GSDMC: variants seen among roughly 807,000 people sequenced by gnomAD.
GSDMC encodes the protein gasdermin C, also known as gasdermin-C.
In GSDMC, 59 loss-of-function variants were observed where a neutral mutation model predicts 58.0. The observed-to-expected ratio is 1.02, with a 90% CI of 0.82 to 1.26. The LOEUF is 1.26. Ranked by LOEUF, GSDMC falls within the 50% of genes most tolerant of loss-of-function variation. The pLI, the probability that GSDMC is intolerant of heterozygous loss-of-function variation, is 0.00. For synonymous variants in GSDMC, 241 were observed against 220.2 expected (o/e 1.09, Z -0.83); for missense variants, 659 against 598.5 (o/e 1.10, Z -1.06).
At chr8:129,762,836 T>C in intron 4 of GSDMC, 105 bp from the exon 5 acceptor site, 1 of 716,558 alleles carries the variant, frequency 1.4e-6, no homozygotes. Flanking sequence ...CCTGCTCTCA[T>C]CCTCCCTACT....
In GSDMC at chr8:129,748,341, A is replaced by C. The variant is rs919239632; in HGVS notation, c.*160T>G. 6.5e-6 allele frequency: 4 copies of C among 611,568 alleles called. No individual in the cohort carries two copies. Among genetic ancestry groups the C allele is most frequent in the Non-Finnish European group, 8.1e-6 (3 of 369,780 alleles). 37.9% of individuals were successfully genotyped at this position (611,568 alleles called of 1,614,324 possible). A position where few individuals can be genotyped will look rare whatever the true frequency, so the allele number is the denominator to read the frequency against. On this transcript the variant is annotated 3_prime_UTR_variant, in exon 14 of 14. Coordinates refer to ENST00000276708, the MANE Select transcript of GSDMC (RefSeq NM_031415.3). The stretch of plus-strand genomic sequence containing the variant: ...CTCTTGTCAATATATAGAGTATTCC[A>C]CCACCCCAAAACATTTCCTAAAGTC...
chr8:129,774,566 T>C (rs1056082786), intron 3 of GSDMC, among the ~76,000 whole-genome samples: 3 of 151,096 alleles, frequency 2.0e-5, no homozygotes, highest in Admixed American at 1.3e-4. Flanking sequence ...AAATAAGTGT[T>C]ACTCTAGCAA....
At chr8:129,761,086 G>A (rs2033641508) in intron 5 of GSDMC, among the ~76,000 whole-genome samples, 1 of 152,204 alleles carries the variant, frequency 6.6e-6, no homozygotes, top group African/African-American at 2.4e-5. Flanking sequence ...TAGCCTCACA[G>A]CAGTGACTGC....
chr8:129,725,141 C>T, the GSDMC span, among the ~76,000 whole-genome samples: 1 of 152,232 alleles, frequency 6.6e-6, no homozygotes, highest in African/African-American at 2.4e-5. Flanking sequence ...TTCACATTCA[C>T]ACATGCCCTC....
chr8:129,776,834 C>A (rs2034245238), intron 2 of GSDMC, among the ~76,000 whole-genome samples: 1 of 152,108 alleles, frequency 6.6e-6, no homozygotes, highest in African/African-American at 2.4e-5. Flanking sequence ...AATCCCAGCT[C>A]ACTGCAACCT....
the GSDMC span, among the ~76,000 whole-genome samples, chr8:129,727,322 A>T: frequency 6.6e-6 from 1 of 152,176 alleles, no homozygotes; most frequent in Non-Finnish European, 1.5e-5. Flanking sequence ...ACAGTGCATA[A>T]AGATCAACTC....
At chr8:129,720,253 T>A in the GSDMC span, among the ~76,000 whole-genome samples, 1 of 152,210 alleles carries the variant, frequency 6.6e-6, no homozygotes, top group African/African-American at 2.4e-5. Flanking sequence ...GAATAGTGCT[T>A]GTGATCATCC....
the GSDMC span, among the ~76,000 whole-genome samples, chr8:129,727,200 C>T: frequency 6.6e-6 from 1 of 152,004 alleles, no homozygotes; most frequent in African/African-American, 2.4e-5. Flanking sequence ...CCATGACTTA[C>T]GATGGACATA....
Position 129,776,168 on chromosome 8 carries a change from T to C in GSDMC, c.338A>G (p.His113Arg). 6.2e-7 allele frequency: 1 copy of C among 1,614,080 alleles called. No individual in the cohort carries two copies. The highest frequency in any genetic ancestry group is 8.5e-7 in the Non-Finnish European group (1 of 1,179,932). The change falls in exon 3 of 14, where the codon CAT becomes CGT. Residue 113 changes from histidine (H) to arginine (R), a missense_variant. Physicochemically the swap from His to Arg is conservative, Grantham distance 29 (BLOSUM62 0). Transcript: ENST00000276708. ...VSVSGEASVD[H>R]GCSLEFQIVT... ...AATTTGAAACTCGAGGGAGCATCCA[T>C]GGTCCACAGAGGCCTCCCCTGACAC...
At chr8:129,778,926 T>C (rs56770303) in intron 1 of GSDMC, among the ~76,000 whole-genome samples, 2,618 of 151,728 alleles carry the variant, frequency 0.017, 68 homozygotes, top group African/African-American at 0.057. Flanking sequence ...CTCACACAAG[T>C]CTGAATAGCT....
At chr8:129,780,656 A>G (rs1038503661) in intron 1 of GSDMC, among the ~76,000 whole-genome samples, 1 of 152,248 alleles carries the variant, frequency 6.6e-6, no homozygotes, top group African/African-American at 2.4e-5. Flanking sequence ...GAGTTGTTCT[A>G]TCTGAAAGAA....
chr8:129,733,756 C>A, the GSDMC span, among the ~76,000 whole-genome samples: 1 of 145,228 alleles, frequency 6.9e-6, no homozygotes, highest in Non-Finnish European at 1.5e-5. Context: ...AACCAGAGCG[C>A]CTCTTCTCCT....
At chr8:129,709,924 G>A in the GSDMC span, among the ~76,000 whole-genome samples, 126 of 152,318 alleles carry the variant, frequency 8.3e-4, no homozygotes, top group Middle Eastern at 3.4e-3. Flanking sequence ...TTATTGTGGT[G>A]TTCTTTGATC....
chr8:129,779,544 G>A (rs141109547), intron 1 of GSDMC, among the ~76,000 whole-genome samples: 2,163 of 151,778 alleles, frequency 0.014, 61 homozygotes, highest in African/African-American at 0.049. Flanking sequence ...AATAATTTAT[G>A]CAACAAACTC....
chr8:129,735,745 A>G, the GSDMC span, among the ~76,000 whole-genome samples: 1 of 152,216 alleles, frequency 6.6e-6, no homozygotes, highest in Non-Finnish European at 1.5e-5. Context: ...CAATTAAAAG[A>G]ACTAGAGAAG....
Position 129,762,673 on chromosome 8 carries a change from C to G in GSDMC, c.629G>C (p.Gly210Ala). The change falls in exon 5 of 14, where the codon GGC becomes GCC. Residue 210 changes from glycine to alanine, a missense_variant. Transcript: ENST00000276708. Reference protein sequence around the residue: ...VKKKALTLQKGMVMAYKRKQL... With the variant: ...VKKKALTLQKAMVMAYKRKQL... ...CTTTCTCTTATAAGCCATCACCATG[C>G]CTTTCTGAAGAGTCAGCGCCTTCTT... 1 of 1,613,942 alleles carries G rather than the reference C, an allele frequency of 6.2e-7. No homozygotes were observed.
the GSDMC span, among the ~76,000 whole-genome samples, chr8:129,734,645 C>A: frequency 1.3e-5 from 2 of 152,236 alleles, no homozygotes; most frequent in East Asian, 3.9e-4. Flanking sequence ...TTGTCATCAC[C>A]AGGCCTGCCC....
intron 3 of GSDMC, among the ~76,000 whole-genome samples, chr8:129,768,776 G>C (rs887326171): frequency 2.9e-4 from 44 of 152,150 alleles, no homozygotes; most frequent in African/African-American, 1.1e-3. Context: ...GAGATAAAAA[G>C]CTTATTTGTA....
In GSDMC at chr8:129,762,627, T is replaced by G. The variant is rs201872844; in HGVS notation, c.675A>C (p.Lys225Asn). The G allele has an allele frequency of 2.3e-4, 364 of 1,600,968 alleles. No individual in the cohort carries two copies. The highest frequency in any genetic ancestry group is 2.9e-4 in the Non-Finnish European group (342 of 1,168,062). Residue 225 changes from lysine to asparagine, a missense_variant and splice_region_variant, in exon 5 of 14, where the codon AAA becomes AAC. Transcript: ENST00000276708. ...YKRKQLVIKE[K>N]AILISDDDEQ... ...CTTGCTGAGCTCCGCTGCTCCCACC[T>G]TTCTCCTTGATAACCAGCTGCTTTC...
Sources: allele counts gnomAD v4.1 joint callset (sites outside exome capture counted in the v4.1 genomes callset), GRCh38; gene constraint gnomAD v4.1.1; transcripts MANE v1.5; gene names NCBI Gene and HGNC (gene_info 2026-07-23, HGNC 2026-07-21).